The following HELZ variants were observed in gnomAD, a reference collection of about 807,000 sequenced individuals.
The protein encoded by HELZ is ATP-dependent RNA helicase with zinc finger domain.
HELZ carries 23 observed loss-of-function variants against 218.2 expected under a neutral mutation model. That is an observed-to-expected ratio of 0.11 (90% CI 0.08 to 0.15). HELZ has a LOEUF of 0.15. HELZ is among the 10% of genes least tolerant of loss of function. The pLI, the probability that HELZ is intolerant of heterozygous loss-of-function variation, is 1.00. For synonymous variants in HELZ, 814 were observed against 829.4 expected (o/e 0.98, Z 0.32); for missense variants, 1,813 against 2,353.7 (o/e 0.77, Z 4.75).
chr17:67,086,717 A>T (rs749437655), intron 32 of HELZ, 112 bp downstream of exon 32: 18 of 1,011,176 alleles, frequency 1.8e-5, no homozygotes, highest in Non-Finnish European at 2.4e-5. Context: ...ATCATTAAAT[A>T]TTGTTCAAAG....
intron 12 of HELZ, 100 bp from the exon 13 acceptor site, chr17:67,179,026 T>G: frequency 1.4e-6 from 1 of 739,470 alleles, no homozygotes; most frequent in Non-Finnish European, 2.1e-6. Flanking sequence ...TGTATGAGAA[T>G]TGTATATGCT....
intron 23 of HELZ, among the ~76,000 whole-genome samples, chr17:67,129,359 T>C (rs1488365967): frequency 2.6e-5 from 4 of 151,288 alleles, no homozygotes; most frequent in Non-Finnish European, 5.9e-5. Context: ...TGCACATACA[T>C]ACACATATAT....
At chr17:67,225,964 A>AC (rs11424619) in intron 3 of HELZ, among the ~76,000 whole-genome samples, 151,859 of 152,302 alleles carry the variant, frequency 1, 75,708 homozygotes, top group Middle Eastern at 1. Context: ...TCAGATCTGA[A>AC]ATATAAAGAA....
At chr17:67,086,631 A>AATATAAATATAAATATAAATATAAAT (rs914625902) in intron 32 of HELZ, among the ~76,000 whole-genome samples, 198 bp downstream of exon 32, 3 of 93,318 alleles carry the variant, frequency 3.2e-5, no homozygotes, top group African/African-American at 1.4e-4. Flanking sequence ...TATAAATATA[A>AATATAAATATAAATATAAATATAAAT]ATATATATAT....
chr17:67,138,375 G>T (rs1395001154), intron 21 of HELZ, among the ~76,000 whole-genome samples: 1 of 152,098 alleles, frequency 6.6e-6, no homozygotes, highest in East Asian at 1.9e-4. Flanking sequence ...AATGCTATTG[G>T]CCCCCAAGTT....
intron 27 of HELZ, among the ~76,000 whole-genome samples, chr17:67,117,063 C>A (rs2037450092): frequency 6.6e-6 from 1 of 152,100 alleles, no homozygotes; most frequent in African/African-American, 2.4e-5. Context: ...CCATGTTAGC[C>A]AGGCTGGTCT....
intron 24 of HELZ, among the ~76,000 whole-genome samples, chr17:67,125,286 CTATATATA>C (rs57513241): frequency 1.5e-3 from 104 of 70,064 alleles, no homozygotes; most frequent in African/African-American, 2.4e-3. Flanking sequence ...TTGGCACCAA[CTATATATA>C]TATATATATA....
At chr17:67,195,598 T>C in intron 7 of HELZ, 128 bp from the exon 8 acceptor site, 2 of 582,046 alleles carry the variant, frequency 3.4e-6, no homozygotes, top group South Asian at 4.9e-5. Context: ...AACATTAATA[T>C]GTTGCCAATG....
chr17:67,135,882 C>G (rs2038133925), intron 23 of HELZ, 88 bp downstream of exon 23: 1 of 1,068,910 alleles, frequency 9.4e-7, no homozygotes, highest in East Asian at 2.6e-5. Flanking sequence ...TTTTAATTAG[C>G]CAGAAGGTCA....
At chr17:67,157,510 T>C (rs865925136) in intron 17 of HELZ, among the ~76,000 whole-genome samples, 7 of 152,228 alleles carry the variant, frequency 4.6e-5, no homozygotes, top group South Asian at 2.1e-4. Flanking sequence ...AGTTAGACAC[T>C]GTCTAAAAGA....
intron 31 of HELZ, among the ~76,000 whole-genome samples, chr17:67,090,187 T>C (rs916747606): frequency 1.3e-5 from 2 of 152,190 alleles, no homozygotes; most frequent in African/African-American, 4.8e-5. Context: ...TTTTTCTCTT[T>C]AGATTGTTAG....
chr17:67,144,794 A>C (rs1482274971), intron 21 of HELZ, among the ~76,000 whole-genome samples: 2 of 152,134 alleles, frequency 1.3e-5, no homozygotes, highest in Non-Finnish European at 2.9e-5. Context: ...ACTTGAGTGC[A>C]AAAACGATAA....
chr17:67,105,374 G>C (rs2037069073), intron 31 of HELZ, among the ~76,000 whole-genome samples: 1 of 152,090 alleles, frequency 6.6e-6, no homozygotes, highest in Non-Finnish European at 1.5e-5. Flanking sequence ...AGATATAAAA[G>C]GCCACATAAT....
intron 31 of HELZ, among the ~76,000 whole-genome samples, chr17:67,104,159 G>C (rs553316550): frequency 1.6e-4 from 24 of 152,160 alleles, no homozygotes; most frequent in Non-Finnish European, 3.1e-4. Context: ...AAGGGGCCGG[G>C]TGCGGTGGCT....
Position 67,078,414 on chromosome 17 carries a change from C to A in HELZ, c.5667G>T (p.Gly1889=), listed in dbSNP as rs751718696. Reference sequence around the variant, plus strand: ...TGGCATAGGACATGGCGGGCTTGCCCCCCGCAGAGCTCTGGGGGCTACTGC... The same window carrying A: ...TGGCATAGGACATGGCGGGCTTGCCACCCGCAGAGCTCTGGGGGCTACTGC... ...ANSSSPQSSA[G]GKPAMSYASA... Residue 1889 remains glycine (G), a synonymous_variant, in exon 33 of 33, where the codon GGG becomes GGT. Coordinates refer to ENST00000358691, the MANE Select transcript of HELZ (RefSeq NM_014877.4). 3 of 1,598,788 alleles carry A rather than the reference C, an allele frequency of 1.9e-6. No homozygotes were observed. Among genetic ancestry groups the A allele is most frequent in the Non-Finnish European group, 2.6e-6 (3 of 1,174,976 alleles).
chr17:67,165,540 T>C (rs1307526451), intron 15 of HELZ, among the ~76,000 whole-genome samples: 1 of 152,166 alleles, frequency 6.6e-6, no homozygotes, highest in Non-Finnish European at 1.5e-5. Context: ...TAAACTTCTA[T>C]TTTGTAGAGC....
At chr17:67,162,483 T>C (rs930945029) in intron 15 of HELZ, among the ~76,000 whole-genome samples, 1 of 152,156 alleles carries the variant, frequency 6.6e-6, no homozygotes, top group Non-Finnish European at 1.5e-5. Context: ...CTTCTATAAA[T>C]GAAAAAACTG....
chr17:67,207,040 G>A (rs1420554121), intron 5 of HELZ, among the ~76,000 whole-genome samples: 3 of 150,606 alleles, frequency 2.0e-5, no homozygotes, highest in Non-Finnish European at 4.4e-5. Context: ...AGCCTCCCAA[G>A]TAGCTGGGAT....
chr17:67,173,189 T>C (rs959678154), intron 13 of HELZ: 7 of 179,154 alleles, frequency 3.9e-5, no homozygotes, highest in East Asian at 1.9e-4. Flanking sequence ...GTAAAGGTTA[T>C]AGCTATACTA....
Sources: gnomAD v4.1 joint callset for allele counts (sites outside exome capture counted in the v4.1 genomes callset) on GRCh38, gnomAD v4.1.1 for gene constraint, MANE v1.5 for transcripts, NCBI Gene and HGNC (gene_info 2026-07-23, HGNC 2026-07-21) for gene names.